Variants in SORCS2 observed in about 807,000 individuals in gnomAD.
SORCS2 encodes sortilin related VPS10 domain containing receptor 2.
Under a neutral mutation model 141.6 loss-of-function variants are expected in SORCS2, and 100 were observed. That is an observed-to-expected ratio of 0.71 (90% CI 0.60 to 0.83). The LOEUF is 0.83. Among genes scored for constraint, SORCS2 ranks in the 40% least tolerant of loss-of-function variants. The probability of loss-of-function intolerance (pLI) is 0.00; values close to 1 mark genes in which losing one functional copy is unlikely to be tolerated. For synonymous variants in SORCS2, 789 were observed against 676.9 expected, an observed-to-expected ratio of 1.17 and a Z score of -2.57; for missense variants, 1,646 against 1,560.2, an observed-to-expected ratio of 1.05 and a Z score of -0.93.
At chr4:7,227,441 C>T (rs1164068592) in intron 1 of SORCS2, among the ~76,000 whole-genome samples, 3 of 152,326 alleles carry the variant, frequency 2.0e-5, no homozygotes, top group South Asian at 2.1e-4. Flanking sequence ...CCAGAGCAGA[C>T]GTAGCCCTCA....
intron 8 of SORCS2, 40 bp downstream of exon 8, chr4:7,667,253 C>T: frequency 6.3e-7 from 1 of 1,579,636 alleles, no homozygotes; most frequent in Admixed American, 1.7e-5. Flanking sequence ...GTGGCCAGAC[C>T]CTAAGCTTAT....
chr4:7,223,821 C>T (rs1300221575), intron 1 of SORCS2, among the ~76,000 whole-genome samples: 1 of 152,110 alleles, frequency 6.6e-6, no homozygotes, highest in East Asian at 1.9e-4. Context: ...GTTATCCACC[C>T]CTGGAATCTG....
chr4:7,612,889 G>A (rs898172788), intron 3 of SORCS2, among the ~76,000 whole-genome samples: 1 of 152,226 alleles, frequency 6.6e-6, no homozygotes, highest in African/African-American at 2.4e-5. Flanking sequence ...GTAGTGGGAG[G>A]AGATGGGAGG....
intron 1 of SORCS2, among the ~76,000 whole-genome samples, chr4:7,359,825 C>T (rs1721473847): frequency 6.6e-6 from 1 of 152,152 alleles, no homozygotes; most frequent in Non-Finnish European, 1.5e-5. Context: ...AAGAGGCAGC[C>T]CTTCAGATCT....
At chr4:7,250,243 AAAAGAAAGAAAG>A (rs34312209) in intron 1 of SORCS2, among the ~76,000 whole-genome samples, 4 of 151,056 alleles carry the variant, frequency 2.6e-5, no homozygotes, top group South Asian at 2.1e-4. Context: ...GCTCTGTCTA[AAAAGAAAGAAAG>A]AAAGAAAGAA....
At chr4:7,684,076 G>T (rs1308595482) in intron 10 of SORCS2, among the ~76,000 whole-genome samples, 1 of 152,134 alleles carries the variant, frequency 6.6e-6, no homozygotes, top group Non-Finnish European at 1.5e-5. Context: ...GTGAGACACG[G>T]CCTCTCCCGG....
rs552939176 is a variant in SORCS2, at chr4:7,633,426, G to A, written c.649-4902G>A. ...GTCAAATTTCCATTCATTCTTCAGGGCTCATCTGGGTGTCATCACCTCCAG... is the reference window on the plus strand; with the variant it reads ...GTCAAATTTCCATTCATTCTTCAGGACTCATCTGGGTGTCATCACCTCCAG... On this transcript the variant is annotated intron_variant, in intron 3 of 26. Transcript: ENST00000507866. Among the ~76,000 whole-genome samples, 71 of 152,294 alleles carry A rather than the reference G, an allele frequency of 4.7e-4. No individual in the cohort carries two copies. In the South Asian group the frequency reaches 4.8e-3, roughly 10 times the overall value.
At chr4:7,567,426 A>G (rs1715098701) in intron 3 of SORCS2, among the ~76,000 whole-genome samples, 1 of 134,958 alleles carries the variant, frequency 7.4e-6, no homozygotes, top group Non-Finnish European at 1.6e-5. Context: ...ATTTTTGAAG[A>G]GTGCTGGTCA....
intron 3 of SORCS2, among the ~76,000 whole-genome samples, chr4:7,616,731 A>G (rs1022368755): frequency 6.6e-6 from 1 of 152,264 alleles, no homozygotes; most frequent in Non-Finnish European, 1.5e-5. Context: ...CTTGGCTATT[A>G]CAGGGACATG....
At chr4:7,314,362 C>G (rs959191902) in intron 1 of SORCS2, among the ~76,000 whole-genome samples, 1 of 141,182 alleles carries the variant, frequency 7.1e-6, no homozygotes, top group Non-Finnish European at 1.5e-5. Flanking sequence ...TTTTTTGAGA[C>G]GGAGTCTTGC....
intron 2 of SORCS2, among the ~76,000 whole-genome samples, chr4:7,490,232 C>T (rs1466268124): frequency 2.6e-5 from 4 of 152,196 alleles, no homozygotes; most frequent in African/African-American, 4.8e-5. Context: ...GCTCCTTCTT[C>T]ACCCTCCTCT....
intron 1 of SORCS2, among the ~76,000 whole-genome samples, chr4:7,267,085 G>A (rs1303624999): frequency 6.6e-6 from 1 of 152,084 alleles, no homozygotes; most frequent in Non-Finnish European, 1.5e-5. Flanking sequence ...GCACGAAATA[G>A]TTTCTCAATA....
intron 1 of SORCS2, among the ~76,000 whole-genome samples, chr4:7,374,090 T>G (rs1722451467): frequency 6.6e-6 from 1 of 152,210 alleles, no homozygotes; most frequent in Admixed American, 6.5e-5. Context: ...TTGTCTGTGG[T>G]GCAAGGTTAG....
intron 1 of SORCS2, among the ~76,000 whole-genome samples, chr4:7,214,237 C>A (rs1202894170): frequency 6.6e-6 from 1 of 152,116 alleles, no homozygotes; most frequent in Admixed American, 6.5e-5. Flanking sequence ...GGAGGTGGGA[C>A]CTTGAAGAAG....
intron 1 of SORCS2, among the ~76,000 whole-genome samples, chr4:7,210,828 A>G (rs1321796872): frequency 6.6e-6 from 1 of 152,254 alleles, no homozygotes; most frequent in African/African-American, 2.4e-5. Context: ...AAGGAGGCCC[A>G]GTCATCCATC....
intron 3 of SORCS2, among the ~76,000 whole-genome samples, chr4:7,584,322 T>G (rs1716386042): frequency 1.3e-5 from 2 of 152,304 alleles, no homozygotes; most frequent in South Asian, 4.2e-4. Context: ...AGAGGCCCAG[T>G]TTCTTGACCC....
intron 3 of SORCS2, among the ~76,000 whole-genome samples, chr4:7,542,148 C>T (rs1249245478): frequency 2.0e-5 from 3 of 152,252 alleles, no homozygotes; most frequent in Non-Finnish European, 4.4e-5. Flanking sequence ...CTCCTCACCC[C>T]TCATGGGCGG....
intron 6 of SORCS2, 119 bp downstream of exon 6, chr4:7,661,683 A>C: frequency 1.1e-6 from 1 of 899,890 alleles, no homozygotes; most frequent in Non-Finnish European, 1.7e-6. Context: ...AGCCGGCCTC[A>C]CTGTGTCTCG....
intron 1 of SORCS2, among the ~76,000 whole-genome samples, chr4:7,266,659 C>A (rs1714754665): frequency 6.6e-6 from 1 of 152,220 alleles, no homozygotes; most frequent in Non-Finnish European, 1.5e-5. Flanking sequence ...CGGACTCAGC[C>A]CTGCCCTCAG....
Sources: gnomAD v4.1 joint callset for allele counts (sites outside exome capture counted in the v4.1 genomes callset) on GRCh38, gnomAD v4.1.1 for gene constraint, MANE v1.5 for transcripts, NCBI Gene and HGNC (gene_info 2026-07-23, HGNC 2026-07-21) for gene names.